Variants in PADI4 observed in about 807,000 individuals in gnomAD.
PADI4 encodes the protein peptidyl arginine deiminase 4.
PADI4 carries 62 observed loss-of-function variants against 75.0 expected under a neutral mutation model. That is an observed-to-expected ratio of 0.83 (90% CI 0.67 to 1.02). PADI4 has a LOEUF of 1.02. Ranked by LOEUF, PADI4 falls within the 50% of genes least tolerant of loss-of-function variation. PADI4 has a pLI of 0.00. For synonymous variants in PADI4, 361 were observed against 348.1 expected (o/e 1.04, Z -0.41); for missense variants, 845 against 850.5 (o/e 0.99, Z 0.08).
chr1:17,319,101 G>C (rs991731129), intron 1 of PADI4, among the ~76,000 whole-genome samples: 3 of 152,094 alleles, frequency 2.0e-5, no homozygotes, highest in African/African-American at 7.2e-5. Flanking sequence ...GAGCCATCGT[G>C]CCTGGCCAGT....
Position 17,358,565 on chromosome 1 carries a change from CA to C in PADI4, c.1559-258del, listed in dbSNP as rs1176609595. On this transcript the variant is annotated intron_variant, in intron 13 of 15. Transcript: ENST00000375448. ...CCTGGACGACAGCGAGACTCCGTCT[CA>C]AAAAAAAAAAAAAATAATAATAAAA... Among the ~76,000 whole-genome samples the C allele has an allele frequency of 2.8e-3, 32 of 11,502 alleles. 7 individuals are homozygous for C. Among genetic ancestry groups the C allele is most frequent in the African/African-American group, 6.7e-3 (9 of 1,342 alleles). 7.5% of individuals were successfully genotyped at this position (11,502 alleles called of 152,430 possible).
At chr1:17,329,767 C>T (rs1409241874) in intron 1 of PADI4, among the ~76,000 whole-genome samples, 1 of 152,186 alleles carries the variant, frequency 6.6e-6, no homozygotes, top group African/African-American at 2.4e-5. Flanking sequence ...GTTGACAAGT[C>T]TGCTTCCAAT....
At chr1:17,357,381 C>T (rs2074778288) in intron 13 of PADI4, among the ~76,000 whole-genome samples, 1 of 152,090 alleles carries the variant, frequency 6.6e-6, no homozygotes, top group South Asian at 2.1e-4. Flanking sequence ...GCTGGCCAGG[C>T]TGGTCTCGAA....
At chr1:17,324,703 G>A (rs1362914769) in intron 1 of PADI4, among the ~76,000 whole-genome samples, 2 of 152,104 alleles carry the variant, frequency 1.3e-5, no homozygotes, top group Non-Finnish European at 2.9e-5. Flanking sequence ...TTGTTTCAGA[G>A]AAAGCATAAA....
chr1:17,351,639 G>C (rs532154117), intron 10 of PADI4, among the ~76,000 whole-genome samples: 10 of 147,852 alleles, frequency 6.8e-5, no homozygotes, highest in Non-Finnish European at 1.2e-4. Context: ...AAAAGATTGC[G>C]TTCTTAAATA....
At chr1:17,326,929 G>C (rs2074126232) in intron 1 of PADI4, among the ~76,000 whole-genome samples, 1 of 130,166 alleles carries the variant, frequency 7.7e-6, no homozygotes, top group South Asian at 2.4e-4. Context: ...TTGAGACACA[G>C]TCTCACCCTC....
At chr1:17,339,542 T>C (rs1345963439) in intron 5 of PADI4, 146 bp from the exon 6 acceptor site, 5 of 769,192 alleles carry the variant, frequency 6.5e-6, no homozygotes, top group Non-Finnish European at 1.1e-5. Flanking sequence ...CAAAATAGCA[T>C]AAAGAAAAGA....
chr1:17,324,125 T>C (rs2074079079), intron 1 of PADI4, among the ~76,000 whole-genome samples: 1 of 150,440 alleles, frequency 6.6e-6, no homozygotes, highest in African/African-American at 2.4e-5. Flanking sequence ...GGTTTGGGGC[T>C]GGCTAATAAC....
At chr1:17,344,665 T>C (rs912295215) in intron 8 of PADI4, among the ~76,000 whole-genome samples, 5 of 150,692 alleles carry the variant, frequency 3.3e-5, no homozygotes, top group African/African-American at 1.2e-4. Flanking sequence ...AGGCTGTGGC[T>C]TCAGAGGGTG....
intron 11 of PADI4, 149 bp downstream of exon 11, chr1:17,354,836 G>A: frequency 1.3e-6 from 1 of 752,980 alleles, no homozygotes; most frequent in Non-Finnish European, 2.1e-6. Context: ...AGCGCAGGGT[G>A]AGGAATGCGG....
rs113477749 is a variant in PADI4, at chr1:17,339,875, C to A, written c.652+62C>A. ...GCCAACGGGGCACAATCCTGTCACA[C>A]AGCTGTGTGGCAGATAAATCCTGAG... On this transcript the variant is annotated intron_variant, in intron 6 of 15. Transcript: ENST00000375448. 897 of 1,519,320 alleles carry A rather than the reference C, an allele frequency of 5.9e-4. 10 individuals are homozygous for A. In the African/African-American group the frequency reaches 0.01, roughly 18 times the overall value. 94.1% of individuals were successfully genotyped at this position (1,519,320 alleles called of 1,614,324 possible).
chr1:17,341,661 T>C (rs1432669182), intron 6 of PADI4, among the ~76,000 whole-genome samples: 1 of 152,180 alleles, frequency 6.6e-6, no homozygotes, highest in Non-Finnish European at 1.5e-5. Context: ...GAGCAGATGC[T>C]CAGGAATGAG....
chr1:17,326,155 T>C (rs576054047), intron 1 of PADI4, among the ~76,000 whole-genome samples: 2 of 152,330 alleles, frequency 1.3e-5, no homozygotes, highest in South Asian at 4.1e-4. Flanking sequence ...TTCCTAATAT[T>C]TTTTCTCTTG....
intron 13 of PADI4, among the ~76,000 whole-genome samples, chr1:17,357,992 A>G (rs2074789661): frequency 6.6e-6 from 1 of 151,450 alleles, no homozygotes; most frequent in South Asian, 2.1e-4. Context: ...TCACACCTGT[A>G]ATCCTAGCAC....
chr1:17,308,573 A>T (rs2073717745), intron 1 of PADI4, among the ~76,000 whole-genome samples: 1 of 152,162 alleles, frequency 6.6e-6, no homozygotes, highest in South Asian at 2.1e-4. Context: ...AAACCAGGCC[A>T]TCCATCTCCC....
At chr1:17,351,338 C>G (rs1259959657) in intron 10 of PADI4, among the ~76,000 whole-genome samples, 1 of 151,310 alleles carries the variant, frequency 6.6e-6, no homozygotes, top group Non-Finnish European at 1.5e-5. Context: ...TTCCAGTAAT[C>G]CCAGCACTTC....
At chr1:17,332,738 T>C (rs1406345389) in intron 2 of PADI4, among the ~76,000 whole-genome samples, 1 of 152,142 alleles carries the variant, frequency 6.6e-6, no homozygotes, top group Non-Finnish European at 1.5e-5. Flanking sequence ...AACAGCCACT[T>C]ATTCCCAGCA....
intron 11 of PADI4, among the ~76,000 whole-genome samples, chr1:17,355,522 G>C (rs941181334): frequency 7.2e-6 from 1 of 139,146 alleles, no homozygotes; most frequent in Non-Finnish European, 1.5e-5. Flanking sequence ...CTGGGCAACA[G>C]AGCAAGACTC....
At chr1:17,311,771 C>A (rs112596616) in intron 1 of PADI4, among the ~76,000 whole-genome samples, 1 of 152,030 alleles carries the variant, frequency 6.6e-6, no homozygotes, top group Non-Finnish European at 1.5e-5. Flanking sequence ...GTGATCCACC[C>A]GCCTCGGCCT....
Sources: gnomAD v4.1 joint callset for allele counts (sites outside exome capture counted in the v4.1 genomes callset) on GRCh38, gnomAD v4.1.1 for gene constraint, MANE v1.5 for transcripts, NCBI Gene and HGNC (gene_info 2026-07-23, HGNC 2026-07-21) for gene names.